The following CYRIB variants were observed in gnomAD, a reference collection of about 807,000 sequenced individuals.
The protein encoded by CYRIB is CYFIP-related Rac1 interactor B.
In CYRIB, 8 loss-of-function variants were observed where a neutral mutation model predicts 44.2. The observed-to-expected ratio is 0.18, with a 90% CI of 0.11 to 0.33. The LOEUF (loss-of-function observed/expected upper bound fraction) is 0.33. Ranked by LOEUF, CYRIB falls within the 10% of genes least tolerant of loss-of-function variation. The pLI is 1.00. For missense variants in CYRIB, 185 were observed against 382.8 expected (o/e 0.48, Z 4.31); for synonymous variants, 131 against 127.2 (o/e 1.03, Z -0.20).
chr8:129,874,226 AG>A (rs1449351831), intron 3 of CYRIB, among the ~76,000 whole-genome samples: 3 of 152,078 alleles, frequency 2.0e-5, no homozygotes, highest in Non-Finnish European at 4.4e-5. Flanking sequence ...TCTACTACTG[AG>A]GGTAGACATA....
intron 2 of CYRIB, among the ~76,000 whole-genome samples, chr8:129,967,530 C>T (rs1332068837): frequency 2.6e-5 from 4 of 152,084 alleles, no homozygotes; most frequent in African/African-American, 9.7e-5. Flanking sequence ...CAGGCGCCTG[C>T]CACCATGCCC....
chr8:129,846,767 A>T (rs768816550), intron 11 of CYRIB, 37 bp downstream of exon 13: 22 of 1,443,586 alleles, frequency 1.5e-5, no homozygotes, highest in Admixed American at 4.5e-5. Flanking sequence ...TTCCTTACAG[A>T]TTTTTTCTGT....
intron 1 of CYRIB, among the ~76,000 whole-genome samples, chr8:129,922,164 A>AGCTG (rs201526787): frequency 0.014 from 2,133 of 152,276 alleles, 18 homozygotes; most frequent in Middle Eastern, 0.031. Context: ...CATTTTGTGA[A>AGCTG]GCTGGGTTCC....
intron 1 of CYRIB, among the ~76,000 whole-genome samples, chr8:129,928,657 C>G (rs2089493936): frequency 6.8e-6 from 1 of 148,108 alleles, no homozygotes; most frequent in Admixed American, 6.8e-5. Flanking sequence ...AAAATCCTTT[C>G]TTTAAAAAAA....
At chr8:129,994,057 C>T (rs181091038) in intron 1 of CYRIB, among the ~76,000 whole-genome samples, 4 of 152,184 alleles carry the variant, frequency 2.6e-5, no homozygotes, top group Admixed American at 2.6e-4. Flanking sequence ...AGTCTTGACC[C>T]CTAATGTCAA....
chr8:130,008,264 A>G (rs550290576), intron 1 of CYRIB: 1 of 153,710 alleles, frequency 6.5e-6, no homozygotes, highest in Non-Finnish European at 1.5e-5. Flanking sequence ...GCCTGCACAC[A>G]TAGTCCAGAA....
In CYRIB at chr8:130,000,462, G is replaced by A. The variant is rs540424918; in HGVS notation, c.-296+15908C>T. On this transcript the variant is annotated intron_variant, in intron 1 of 14. Transcript: ENST00000401979. ...GATACCAGCACTTTGGGAGGCTGAG[G>A]CTGGCAGATCACTTGAGGTCAGGAG... is the stretch of plus-strand genomic sequence containing the variant. Among the ~76,000 whole-genome samples, 20 of 152,224 alleles carry A rather than the reference G, an allele frequency of 1.3e-4. No homozygotes were observed. The East Asian group carries it at 3.9e-3, about 29-fold the overall frequency.
chr8:130,002,187 T>C (rs2096922611), intron 1 of CYRIB, among the ~76,000 whole-genome samples: 1 of 152,202 alleles, frequency 6.6e-6, no homozygotes, highest in South Asian at 2.1e-4. Context: ...GAGGCCAAGC[T>C]CAGTGGCTCA....
At chr8:129,862,972 T>G (rs967789939) in intron 4 of CYRIB, among the ~76,000 whole-genome samples, 2 of 152,188 alleles carry the variant, frequency 1.3e-5, no homozygotes, top group Non-Finnish European at 2.9e-5. Context: ...CCAATATGTT[T>G]GTTAAATATT....
chr8:129,895,915 G>A lies in CYRIB; in HGVS notation c.-11+7397C>T, dbSNP rs79219579. Among the ~76,000 whole-genome samples, 1,315 of 152,222 alleles carry A rather than the reference G, an allele frequency of 8.6e-3. 13 individuals carry two copies. Among genetic ancestry groups the A allele is most frequent in the African/African-American group, 0.026 (1,078 of 41,540 alleles). On this transcript the variant is annotated intron_variant, in intron 2 of 11. Coordinates refer to ENST00000519824, the Ensembl canonical transcript of CYRIB. ...AATATATATTCCTAGATTTGGTTTT[G>A]CTAACATTTCACCTTGGATTATTTT...
chr8:129,976,893 GT>G (rs2095950883), intron 1 of CYRIB, among the ~76,000 whole-genome samples: 1 of 152,072 alleles, frequency 6.6e-6, no homozygotes, highest in Non-Finnish European at 1.5e-5. Context: ...CCAGGCTGGA[GT>G]GCAATGGCGC....
intron 1 of CYRIB, among the ~76,000 whole-genome samples, chr8:129,927,800 A>G (rs953377554): frequency 1.3e-5 from 2 of 152,234 alleles, no homozygotes; most frequent in Admixed American, 1.3e-4. Flanking sequence ...TACTAGCAGA[A>G]TGATAGATCA....
At chr8:129,860,292 A>G (rs1304937365) in intron 5 of CYRIB, among the ~76,000 whole-genome samples, 2 of 152,250 alleles carry the variant, frequency 1.3e-5, no homozygotes, top group Admixed American at 6.5e-5. Flanking sequence ...AAAGACCAAG[A>G]TGAGCTTGAA....
intron 4 of CYRIB, among the ~76,000 whole-genome samples, chr8:129,868,040 G>A (rs1194412720): frequency 6.6e-6 from 1 of 152,086 alleles, no homozygotes; most frequent in Non-Finnish European, 1.5e-5. Context: ...TGTTGTCTGT[G>A]CTTTTTTATA....
At chr8:129,911,209 T>C (rs1453838734) in intron 1 of CYRIB, among the ~76,000 whole-genome samples, 5 of 152,224 alleles carry the variant, frequency 3.3e-5, no homozygotes, top group African/African-American at 1.2e-4. Context: ...GCATGATATA[T>C]TTCACATAAG....
At chr8:129,884,924 A>C (rs1331742148) in intron 2 of CYRIB, among the ~76,000 whole-genome samples, 2 of 152,194 alleles carry the variant, frequency 1.3e-5, no homozygotes, top group Non-Finnish European at 2.9e-5. Flanking sequence ...GGAAAGGAAC[A>C]CGCCCTTCCT....
At chr8:129,855,784 G>C in intron 5 of CYRIB, 37 bp from the exon 8 acceptor site, 2 of 1,555,014 alleles carry the variant, frequency 1.3e-6, no homozygotes, top group Non-Finnish European at 1.7e-6. Context: ...TAAGTTGTTT[G>C]TATCTGTGTG....
intron 1 of CYRIB, among the ~76,000 whole-genome samples, chr8:129,905,467 T>C (rs1160220798): frequency 6.6e-6 from 1 of 152,222 alleles, no homozygotes; most frequent in African/African-American, 2.4e-5. Context: ...TCTGCCCACC[T>C]TGGCTTCCCA....
chr8:129,983,719 T>TGGGGACGC (rs1345130693), intron 1 of CYRIB, among the ~76,000 whole-genome samples: 2 of 152,030 alleles, frequency 1.3e-5, no homozygotes, highest in Non-Finnish European at 2.9e-5. Flanking sequence ...GCGGGGACGC[T>TGGGGACGC]GGGGACGCGG....
Sources: allele counts gnomAD v4.1 joint callset (sites outside exome capture counted in the v4.1 genomes callset), GRCh38; gene constraint gnomAD v4.1.1; transcripts MANE v1.5; gene names NCBI Gene and HGNC (gene_info 2026-07-23, HGNC 2026-07-21).